CNTNAP2: variants seen among roughly 807,000 people sequenced by gnomAD.
The protein encoded by CNTNAP2 is contactin associated protein 2.
A neutral mutation model predicts 155.2 loss-of-function variants in CNTNAP2; 98 were observed. The ratio of observed to expected loss-of-function variants is 0.63; its 90% CI spans 0.54 to 0.75. The LOEUF (loss-of-function observed/expected upper bound fraction) is 0.75. Among genes scored for constraint, CNTNAP2 ranks in the 30% least tolerant of loss-of-function variants. CNTNAP2 has a pLI of 0.00. For missense variants in CNTNAP2, 1,727 were observed against 1,688.1 expected, an observed-to-expected ratio of 1.02 and a Z score of -0.40; for synonymous variants, 651 against 631.2, an observed-to-expected ratio of 1.03 and a Z score of -0.47.
chr7:146,381,843 G>T (rs973332936), intron 1 of CNTNAP2, among the ~76,000 whole-genome samples: 5 of 152,102 alleles, frequency 3.3e-5, no homozygotes, highest in Admixed American at 2.6e-4. Context: ...CTGCTGGTCC[G>T]CTGGGCTTGA....
chr7:146,873,639 G>A (rs944381559), intron 3 of CNTNAP2, among the ~76,000 whole-genome samples: 1 of 152,022 alleles, frequency 6.6e-6, no homozygotes, highest in African/African-American at 2.4e-5. Flanking sequence ...TGGGGTGTAT[G>A]AGAAGAATAA....
chr7:146,878,803 C>T (rs538331524), intron 3 of CNTNAP2, among the ~76,000 whole-genome samples: 4 of 152,132 alleles, frequency 2.6e-5, no homozygotes, highest in African/African-American at 4.8e-5. Flanking sequence ...GATCTTCTTA[C>T]GCTTTCTTCC....
rs111399107 is a variant in CNTNAP2 at position 146,237,818 on chromosome 7, C to A, written c.97+120845C>A. On this transcript the variant is annotated intron_variant, in intron 1 of 23. Transcript: ENST00000361727. The stretch of plus-strand genomic sequence containing the variant: ...ACATATTAAAGGTTCTGAAGTAACC[C>A]TTGTTACTAGTTTAACTTTCTTTAA... 2.7e-5 allele frequency among the ~76,000 whole-genome samples: 4 copies of A among 148,058 alleles called. No individual in the cohort carries two copies. In the East Asian group the frequency reaches 7.8e-4, roughly 29 times the overall value.
At chr7:148,160,630 A>T (rs900160834) in intron 17 of CNTNAP2, among the ~76,000 whole-genome samples, 1 of 152,110 alleles carries the variant, frequency 6.6e-6, no homozygotes, top group Non-Finnish European at 1.5e-5. Context: ...TAAAGATGCA[A>T]TATTTTTTCC....
chr7:147,078,689 A>T (rs80135067), intron 4 of CNTNAP2, among the ~76,000 whole-genome samples: 17 of 151,758 alleles, frequency 1.1e-4, no homozygotes, highest in African/African-American at 3.4e-4. Context: ...TTCCTCCATT[A>T]AAAAAAACTC....
chr7:146,792,030 G>A (rs12674168), intron 2 of CNTNAP2, among the ~76,000 whole-genome samples: 4,806 of 152,112 alleles, frequency 0.032, 113 homozygotes, highest in East Asian at 0.1. Flanking sequence ...ACTCAACTGC[G>A]GGAATAACAG....
At chr7:147,922,322 G>A (rs1455214651) in intron 14 of CNTNAP2, among the ~76,000 whole-genome samples, 1 of 152,182 alleles carries the variant, frequency 6.6e-6, no homozygotes, top group Non-Finnish European at 1.5e-5. Context: ...CCTGCTTATA[G>A]TATGTCAATA....
At chr7:147,781,554 A>C (rs1324897835) in intron 13 of CNTNAP2, among the ~76,000 whole-genome samples, 1 of 152,116 alleles carries the variant, frequency 6.6e-6, no homozygotes, top group African/African-American at 2.4e-5. Flanking sequence ...TCACCTGAAG[A>C]CTCTCAGAAT....
chr7:146,684,770 A>G (rs994955666), intron 1 of CNTNAP2, among the ~76,000 whole-genome samples: 2 of 151,990 alleles, frequency 1.3e-5, no homozygotes, highest in Non-Finnish European at 2.9e-5. Context: ...TAAGAACACC[A>G]ATGTCCCTAC....
rs370232703 is a variant in CNTNAP2, at chr7:148,303,518, G to A, written c.3475+36392G>A. Reference sequence around the variant, plus strand: ...TCCCTCGGGGCCTATAAGCTTGGCCGTGTTGCAGCTGAAATTTCTGCTGAA... The same window carrying A: ...TCCCTCGGGGCCTATAAGCTTGGCCATGTTGCAGCTGAAATTTCTGCTGAA... On this transcript the variant is annotated intron_variant, in intron 21 of 23. Transcript: ENST00000361727. Among the ~76,000 whole-genome samples, 42 of 152,300 alleles carry A rather than the reference G, an allele frequency of 2.8e-4. No individual in the cohort carries two copies. In the East Asian group the frequency reaches 3.9e-3, roughly 14 times the overall value.
intron 11 of CNTNAP2, among the ~76,000 whole-genome samples, chr7:147,487,302 GT>G (rs1239998987): frequency 1.8e-4 from 28 of 152,088 alleles, no homozygotes; most frequent in African/African-American, 6.8e-4. Flanking sequence ...CATTATCTGT[GT>G]TTACATATAT....
chr7:146,931,557 G>C (rs1419657743), intron 3 of CNTNAP2, among the ~76,000 whole-genome samples: 1 of 150,870 alleles, frequency 6.6e-6, no homozygotes, highest in Non-Finnish European at 1.5e-5. Context: ...ACATTCAAAA[G>C]CTAGCAGAAG....
chr7:146,443,668 G>A (rs1008222712), intron 1 of CNTNAP2, among the ~76,000 whole-genome samples: 2 of 152,194 alleles, frequency 1.3e-5, no homozygotes, highest in Non-Finnish European at 2.9e-5. Flanking sequence ...TGAGTAAGTA[G>A]CAGAGCTATA....
intron 10 of CNTNAP2, among the ~76,000 whole-genome samples, chr7:147,399,368 C>A (rs1480248576): frequency 6.6e-6 from 1 of 152,084 alleles, no homozygotes; most frequent in Non-Finnish European, 1.5e-5. Context: ...CCATTATAAT[C>A]CAGGTGAGAG....
chr7:147,419,844 T>C (rs1367902428), intron 10 of CNTNAP2, among the ~76,000 whole-genome samples: 2 of 152,156 alleles, frequency 1.3e-5, no homozygotes, highest in African/African-American at 2.4e-5. Flanking sequence ...AGTTCTAGAA[T>C]AGTTATAGAT....
chr7:148,327,640 C>T (rs1333003027), intron 21 of CNTNAP2, among the ~76,000 whole-genome samples: 2 of 152,170 alleles, frequency 1.3e-5, no homozygotes, highest in African/African-American at 4.8e-5. Context: ...GTTACCACTA[C>T]CCCAAACCAC....
At chr7:148,391,832 C>A (rs371239043) in intron 22 of CNTNAP2, among the ~76,000 whole-genome samples, 14 of 152,188 alleles carry the variant, frequency 9.2e-5, no homozygotes, top group African/African-American at 3.1e-4. Context: ...ATCCAAGAGT[C>A]TGATCCCATA....
At chr7:147,105,941 AT>A (rs1284806542) in intron 4 of CNTNAP2, among the ~76,000 whole-genome samples, 27 of 152,024 alleles carry the variant, frequency 1.8e-4, no homozygotes, top group Admixed American at 1.8e-3. Flanking sequence ...TCTGAAAAAA[AT>A]AAGCCATCTT....
At chr7:146,228,996 C>G (rs1257077632) in intron 1 of CNTNAP2, among the ~76,000 whole-genome samples, 2 of 152,124 alleles carry the variant, frequency 1.3e-5, no homozygotes, top group East Asian at 3.9e-4. Flanking sequence ...CAATCAAGCT[C>G]TCTATCTATT....
Sources: allele counts gnomAD v4.1 joint callset (sites outside exome capture counted in the v4.1 genomes callset), GRCh38; gene constraint gnomAD v4.1.1; transcripts MANE v1.5; gene names NCBI Gene and HGNC (gene_info 2026-07-23, HGNC 2026-07-21).